The following POMC variants were observed in gnomAD, a reference collection of about 807,000 sequenced individuals.
The protein encoded by POMC is pro-opiomelanocortin.
A neutral mutation model predicts 18.5 loss-of-function variants in POMC; 19 were observed. The observed-to-expected ratio is 1.03, with a 90% confidence interval of 0.72 to 1.51. POMC has a LOEUF of 1.51. Ranked by LOEUF, POMC falls within the 40% of genes most tolerant of loss-of-function variation. The pLI is 0.00. For missense variants in POMC, 451 were observed against 379.0 expected, an observed-to-expected ratio of 1.19 and a Z score of -1.58; for synonymous variants, 179 against 161.9, an observed-to-expected ratio of 1.11 and a Z score of -0.80.
In POMC at chr2:25,161,754, T is replaced by C; in HGVS notation, c.133-2A>G. 1 of 1,590,810 alleles carries C rather than the reference T, an allele frequency of 6.3e-7. No individual in the cohort carries two copies. Among genetic ancestry groups the C allele is most frequent in the Non-Finnish European group, 8.5e-7 (1 of 1,169,996 alleles). ...GGGCTTGCAGGCCCGGATGCACTCC[T>C]GGGGGAAGACGCGAGGGCATGAGGG... On this transcript the variant is annotated splice_acceptor_variant, in intron 2 of 2. Transcript: ENST00000395826. LOFTEE classifies it high-confidence loss of function. This position sits in a 1 kb window ranked among gnomAD's most constrained non-coding sequence, Gnocchi z 5.7.
At position 25,161,158 on chromosome 2, in the gene POMC, A is replaced by G; in HGVS notation, c.727T>C (p.Ser243Pro). ...KDKRYGGFMT[S>P]EKSQTPLVTL... The stretch of plus-strand genomic sequence containing the variant: ...ACCAGGGGCGTCTGGCTCTTCTCGG[A>G]GGTCATGAAACCGCCGTAGCGCTTG... Residue 243 changes from serine to proline, a missense_variant, in exon 3 of 3, where the codon TCC (serine) becomes CCC (proline). Ser to Pro is a moderately conservative substitution (Grantham distance 74). Coordinates refer to ENST00000395826, the MANE Select transcript of POMC (RefSeq NM_000939.4). This position sits in a 1 kb window ranked among gnomAD's most constrained non-coding sequence, Gnocchi z 5.7. 1 of 1,613,486 alleles carries G rather than the reference A, an allele frequency of 6.2e-7. No individual in the cohort carries two copies.
chr2:25,167,890 G>A (rs545016000), intron 1 of POMC, among the ~76,000 whole-genome samples: 188 of 152,160 alleles, frequency 1.2e-3, no homozygotes, highest in African/African-American at 4.2e-3. Flanking sequence ...GCGGTGGCTC[G>A]CGCCTGTAAT....
In POMC at chr2:25,161,779, G is replaced by A. The variant is rs760327768; in HGVS notation, c.133-27C>T. On this transcript the variant is annotated intron_variant, in intron 2 of 2. Transcript: ENST00000395826. This position sits in a 1 kb window ranked among gnomAD's most constrained non-coding sequence, Gnocchi z 5.7. ...TGGGGGAAGACGCGAGGGCATGAGGGCAGCCCGTGCCCCGCACCCCGGCCC... is the reference window on the plus strand; with the variant it reads ...TGGGGGAAGACGCGAGGGCATGAGGACAGCCCGTGCCCCGCACCCCGGCCC... 6.4e-7 allele frequency: 1 copy of A among 1,568,634 alleles called. No homozygotes were observed. Among genetic ancestry groups the A allele is most frequent in the South Asian group, 1.2e-5 (1 of 85,704 alleles).
At position 25,164,841 on chromosome 2, in the gene POMC, T is replaced by A. The variant is rs1671504025; in HGVS notation, c.-20-49A>T. ...GGGACCCCTGCAAGGAGCAAAACAA[T>A]GTTGGCCACTCACCAGGAAGGACCT... On this transcript the variant is annotated intron_variant, in intron 1 of 2. Coordinates refer to ENST00000395826, the MANE Select transcript of POMC (RefSeq NM_000939.4). The A allele has an allele frequency of 5.0e-6, 8 of 1,601,982 alleles. No individual in the cohort carries two copies. In the South Asian group the frequency reaches 8.8e-5, roughly 18 times the overall value.
chr2:25,168,333 T>C lies in POMC; in HGVS notation c.-21+165A>G, dbSNP rs1671628609. Among the ~76,000 whole-genome samples the C allele has an allele frequency of 6.6e-6, 1 of 152,152 alleles. No homozygotes were observed. Among genetic ancestry groups the C allele is most frequent in the African/African-American group, 2.4e-5 (1 of 41,432 alleles). On this transcript the variant is annotated intron_variant, in intron 1 of 2. Transcript: ENST00000395826. The surrounding 1 kb of genome is among the most constrained non-coding windows in gnomAD (Gnocchi z 5.2). ...GCCCTCCAGCTCAGCTACTGGCGGCTTCTCATGCCGCAGTCGGCGCAGAAA... is the reference window on the plus strand; with the variant it reads ...GCCCTCCAGCTCAGCTACTGGCGGCCTCTCATGCCGCAGTCGGCGCAGAAA...
In POMC at chr2:25,161,710, G is replaced by C; in HGVS notation, c.175C>G (p.Pro59Ala). 2 of 1,591,430 alleles carry C rather than the reference G, an allele frequency of 1.3e-6. No homozygotes were observed. The highest frequency in any genetic ancestry group is 1.7e-6 in the Non-Finnish European group (2 of 1,170,070). ...ACKPDLSAET[P>A]MFPGNGDEQP... ...TCGTCGCCATTTCCCGGGAACATGG[G>C]AGTCTCGGCCGAGAGGTCGGGCTTG... is the stretch of plus-strand genomic sequence containing the variant. The change falls in exon 3 of 3, where the codon CCC becomes GCC. Residue 59 changes from proline (P) to alanine (A), a missense_variant. Physicochemically the swap from Pro to Ala is conservative, Grantham distance 27 (BLOSUM62 -1). Transcript: ENST00000395826. This position sits in a 1 kb window ranked among gnomAD's most constrained non-coding sequence, Gnocchi z 5.7.
At position 25,164,750 on chromosome 2, in the gene POMC, C is replaced by A. The variant is rs146551109; in HGVS notation, c.23G>T (p.Arg8Leu). The change falls in exon 2 of 3, where the codon CGC becomes CTC. Residue 8 changes from arginine to leucine, a missense_variant. Transcript: ENST00000395826. ...CAAGGCCAGCAACAGGGCCCCCGAGCGGCTGCAGCACGATCTCGGCATCTT... is the reference window on the plus strand; with the variant it reads ...CAAGGCCAGCAACAGGGCCCCCGAGAGGCTGCAGCACGATCTCGGCATCTT... The part of the protein sequence containing the change: MPRSCCS[R>L]SGALLLALLL... 5.0e-6 allele frequency: 8 copies of A among 1,614,022 alleles called. No homozygotes were observed. The highest frequency in any genetic ancestry group is 1.3e-5 in the African/African-American group (1 of 75,042).
chr2:25,161,050 G>A lies in POMC; in HGVS notation c.*31C>T. 6.2e-7 allele frequency: 1 copy of A among 1,613,854 alleles called. No homozygotes were observed. The highest frequency in any genetic ancestry group is 1.7e-5 in the Admixed American group (1 of 60,028). ...AGGGGCTTTGGGGTCGACCTCCTGG[G>A]GGAGGGTAGCCCTGGGGCCCCGCTG... On this transcript the variant is annotated 3_prime_UTR_variant, in exon 3 of 3. Transcript: ENST00000395826. The surrounding 1 kb of genome is among the most constrained non-coding windows in gnomAD (Gnocchi z 5.7).
intron 1 of POMC, among the ~76,000 whole-genome samples, chr2:25,165,046 G>C (rs749838923): frequency 9.2e-5 from 14 of 152,160 alleles, no homozygotes. Flanking sequence ...CCCCTAAAAA[G>C]GTTAAGGCTG....
chr2:25,163,908 A>C (rs1227161127), intron 2 of POMC, among the ~76,000 whole-genome samples: 1 of 152,134 alleles, frequency 6.6e-6, no homozygotes, highest in Non-Finnish European at 1.5e-5. Context: ...TACAGCCATG[A>C]GCCATCTCGC....
intron 2 of POMC, among the ~76,000 whole-genome samples, chr2:25,162,022 T>C (rs1203059287): frequency 6.6e-6 from 1 of 152,178 alleles, no homozygotes; most frequent in Non-Finnish European, 1.5e-5. Flanking sequence ...ACACTTCCCA[T>C]CCCATTCCAT....
rs917202708 is a variant in POMC, at chr2:25,161,716, C to T, written c.169G>A (p.Glu57Lys). The T allele has an allele frequency of 3.1e-6, 5 of 1,592,568 alleles. No individual in the cohort carries two copies. In the Admixed American group the frequency reaches 5.2e-5, roughly 17 times the overall value. ...CCATTTCCCGGGAACATGGGAGTCT[C>T]GGCCGAGAGGTCGGGCTTGCAGGCC... Reference protein sequence around the residue: ...IRACKPDLSAETPMFPGNGDE... With the variant: ...IRACKPDLSAKTPMFPGNGDE... The change falls in exon 3 of 3, where the codon GAG (glutamate) becomes AAG (lysine). Residue 57 changes from glutamate to lysine, a missense_variant. Transcript: ENST00000395826. The surrounding 1 kb of genome is among the most constrained non-coding windows in gnomAD (Gnocchi z 5.7).
In POMC at chr2:25,161,900, T is replaced by A; in HGVS notation, c.133-148A>T. On this transcript the variant is annotated intron_variant, in intron 2 of 2. Coordinates refer to ENST00000395826, the MANE Select transcript of POMC (RefSeq NM_000939.4). This position sits in a 1 kb window ranked among gnomAD's most constrained non-coding sequence, Gnocchi z 5.7. ...GTCGGGCGTGTCAAGCGTCGAGGCC[T>A]CCCTACAGAGCAGGTCTGCCCACCT... 2.2e-6 allele frequency: 3 copies of A among 1,361,026 alleles called. No homozygotes were observed. Among genetic ancestry groups the A allele is most frequent in the Non-Finnish European group, 2.9e-6 (3 of 1,037,808 alleles). The allele number at this position is 1,361,026 out of a possible 1,614,324, so 84.3% of individuals were successfully genotyped here. A position where few individuals can be genotyped will look rare whatever the true frequency, so the allele number is the denominator to read the frequency against.
chr2:25,161,226 G>C lies in POMC; in HGVS notation c.659C>G (p.Pro220Arg). 6.2e-7 allele frequency: 1 copy of C among 1,613,182 alleles called. No individual in the cohort carries two copies. Among genetic ancestry groups the C allele is most frequent in the Non-Finnish European group, 8.5e-7 (1 of 1,179,766 alleles). Residue 220 changes from proline to arginine, a missense_variant, in exon 3 of 3, where the codon CCC becomes CGC. Transcript: ENST00000395826. This position sits in a 1 kb window ranked among gnomAD's most constrained non-coding sequence, Gnocchi z 5.7. ...LVAAEKKDEG[P>R]YRMEHFRWGS... ...CCAGCGGAAGTGCTCCATCCTGTAG[G>C]GGCCCTCGTCCTTCTTCTCGGCCGC...
Position 25,161,628 on chromosome 2 carries a change from C to G in POMC, c.257G>C (p.Arg86Pro). The G allele has an allele frequency of 1.3e-6, 2 of 1,552,956 alleles. No homozygotes were observed. The highest frequency in any genetic ancestry group is 8.7e-7 in the Non-Finnish European group (1 of 1,148,542). ...GCTGCTGCTGTTGCGGCGGCCGAAT[C>G]GGTCCCAGCGGAAGTGGCCCATGAC... ...KYVMGHFRWD[R>P]FGRRNSSSSG... The change falls in exon 3 of 3, where the codon CGA becomes CCA. Residue 86 changes from arginine (R) to proline (P), a missense_variant. Coordinates refer to ENST00000395826, the MANE Select transcript of POMC (RefSeq NM_000939.4). This position sits in a 1 kb window ranked among gnomAD's most constrained non-coding sequence, Gnocchi z 5.7.
At chr2:25,163,553 C>T (rs752374911) in intron 2 of POMC, among the ~76,000 whole-genome samples, 1 of 152,228 alleles carries the variant, frequency 6.6e-6, no homozygotes, top group Non-Finnish European at 1.5e-5. Flanking sequence ...TACATTCCAC[C>T]CTCAGCACCT....
chr2:25,163,425 G>A (rs920533554), intron 2 of POMC, among the ~76,000 whole-genome samples: 1 of 152,104 alleles, frequency 6.6e-6, no homozygotes, highest in East Asian at 1.9e-4. Flanking sequence ...GAATCCCCTG[G>A]GCTCTTTGTT....
rs749782556 is a variant in POMC at position 25,164,638 on chromosome 2, T to C, written c.132+3A>G. ...GCCAAGATGGCAGTCATGGCCCACG[T>C]ACCAGCAGGTTGCTTTCCGTGGTGA... On this transcript the variant is annotated splice_donor_region_variant and intron_variant, in intron 2 of 2. Coordinates refer to ENST00000395826, the MANE Select transcript of POMC (RefSeq NM_000939.4). The C allele has an allele frequency of 2.5e-6, 4 of 1,614,068 alleles. No individual in the cohort carries two copies. The highest frequency in any genetic ancestry group is 1.7e-5 in the Admixed American group (1 of 60,022).
At chr2:25,166,837 G>A (rs1558631465) in intron 1 of POMC, among the ~76,000 whole-genome samples, 1 of 152,176 alleles carries the variant, frequency 6.6e-6, no homozygotes, top group Non-Finnish European at 1.5e-5. Flanking sequence ...TTATGTGTAT[G>A]TGTATTTGCT....
Sources: gnomAD v4.1 joint callset for allele counts (sites outside exome capture counted in the v4.1 genomes callset) on GRCh38, gnomAD v4.1.1 for gene constraint, Gnocchi (gnomAD v3.1) non-coding constraint, MANE v1.5 for transcripts, NCBI Gene and HGNC (gene_info 2026-07-23, HGNC 2026-07-21) for gene names.